The following KCNT2 variants were observed in gnomAD, a reference collection of about 807,000 sequenced individuals.
KCNT2 encodes potassium channel subfamily T member 2.
A neutral mutation model predicts 153.8 loss-of-function variants in KCNT2; 67 were observed. That is an observed-to-expected ratio of 0.44 (90% CI 0.36 to 0.53). KCNT2 has a LOEUF of 0.53. Ranked by LOEUF, KCNT2 falls within the 20% of genes least tolerant of loss-of-function variation. The probability of loss-of-function intolerance (pLI) is 0.00; values close to 1 mark genes in which losing one functional copy is unlikely to be tolerated. For missense variants in KCNT2, 975 were observed against 1,354.8 expected (o/e 0.72, Z 4.40); for synonymous variants, 500 against 458.8 (o/e 1.09, Z -1.15).
chr1:196,354,059 G>A (rs1445546299), intron 14 of KCNT2, among the ~76,000 whole-genome samples: 1 of 151,776 alleles, frequency 6.6e-6, no homozygotes, highest in African/African-American at 2.4e-5. Flanking sequence ...TTATGAACCT[G>A]TATGTTTTTG....
intron 5 of KCNT2, among the ~76,000 whole-genome samples, chr1:196,474,686 T>C (rs1678379721): frequency 6.6e-6 from 1 of 152,230 alleles, no homozygotes; most frequent in Admixed American, 6.5e-5. Flanking sequence ...AGTTTGTTTT[T>C]GTTTCCTTTT....
chr1:196,264,911 G>A lies in KCNT2; in HGVS notation c.2911-6417C>T, dbSNP rs531494108. Among the ~76,000 whole-genome samples the A allele has an allele frequency of 9.9e-5, 15 of 152,214 alleles. No homozygotes were observed. The South Asian group carries it at 2.5e-3, about 25-fold the overall frequency. On this transcript the variant is annotated intron_variant, in intron 25 of 27. Transcript: ENST00000294725. ...CTCTCAAAGTGCTGGGATTACAGGCGTGAGCCACCATGCCCAGCCCAGCCC... is the reference window on the plus strand; with the variant it reads ...CTCTCAAAGTGCTGGGATTACAGGCATGAGCCACCATGCCCAGCCCAGCCC...
chr1:196,278,952 G>A (rs1208587779), intron 25 of KCNT2, among the ~76,000 whole-genome samples: 3 of 152,208 alleles, frequency 2.0e-5, no homozygotes, highest in African/African-American at 7.2e-5. Context: ...GACTCAGAGA[G>A]ATCCCCTTCC....
chr1:196,295,913 A>G (rs954656431), intron 22 of KCNT2, among the ~76,000 whole-genome samples: 6 of 152,002 alleles, frequency 3.9e-5, no homozygotes, highest in African/African-American at 1.4e-4. Context: ...AGGGTTGTCA[A>G]TGTAAATTAT....
intron 14 of KCNT2, among the ~76,000 whole-genome samples, chr1:196,351,289 T>A (rs1447568372): frequency 6.6e-6 from 1 of 152,198 alleles, no homozygotes; most frequent in Non-Finnish European, 1.5e-5. Context: ...ATAAATTACC[T>A]TGGGCAGTAT....
At chr1:196,231,563 G>A (rs1052838684) in intron 27 of KCNT2, among the ~76,000 whole-genome samples, 2 of 151,872 alleles carry the variant, frequency 1.3e-5, no homozygotes, top group African/African-American at 4.8e-5. Context: ...ACAACAGAGA[G>A]AATTAGGAAC....
chr1:196,418,959 T>C (rs1490832770), intron 12 of KCNT2, among the ~76,000 whole-genome samples: 2 of 151,974 alleles, frequency 1.3e-5, no homozygotes, highest in African/African-American at 4.8e-5. Context: ...CTCCTCACAA[T>C]GGTCTGACTG....
At chr1:196,501,080 G>A (rs915606231) in intron 1 of KCNT2, among the ~76,000 whole-genome samples, 3 of 152,074 alleles carry the variant, frequency 2.0e-5, no homozygotes, top group African/African-American at 7.2e-5. Flanking sequence ...CAGAGAAAAC[G>A]GTGCACTTAT....
At chr1:196,549,274 T>A (rs553515234) in intron 1 of KCNT2, among the ~76,000 whole-genome samples, 1 of 152,050 alleles carries the variant, frequency 6.6e-6, no homozygotes, top group East Asian at 1.9e-4. Flanking sequence ...TGTTTACACA[T>A]GGACCCTAAG....
chr1:196,355,552 T>C (rs896811291), intron 14 of KCNT2, among the ~76,000 whole-genome samples: 32 of 151,684 alleles, frequency 2.1e-4, no homozygotes, highest in African/African-American at 7.0e-4. Flanking sequence ...TAAAAAAAGG[T>C]GCCAAAGTTA....
intron 1 of KCNT2, among the ~76,000 whole-genome samples, chr1:196,566,204 T>A (rs887045943): frequency 1.3e-5 from 2 of 151,928 alleles, no homozygotes; most frequent in Non-Finnish European, 2.9e-5. Context: ...TATTTCTGGG[T>A]CAAATTTTAT....
rs139091794 is a variant in KCNT2, at chr1:196,522,132, G to A, written c.96-29791C>T. ...CAATGTGCTTATGCAGAAAGAGTCA[G>A]TATACTGGGAAACTCCATTCCAAAC... On this transcript the variant is annotated intron_variant, in intron 1 of 27. Transcript: ENST00000294725. Among the ~76,000 whole-genome samples the A allele has an allele frequency of 1.0e-3, 153 of 152,244 alleles. 1 individual carries two copies. Among genetic ancestry groups the A allele is most frequent in the Middle Eastern group, 3.4e-3 (1 of 294 alleles).
At chr1:196,467,924 C>T in intron 6 of KCNT2, 138 bp from the exon 7 acceptor site, 1 of 468,882 alleles carries the variant, frequency 2.1e-6, no homozygotes, top group Admixed American at 3.5e-5. Flanking sequence ...TAAACTCACT[C>T]TTAATAAAAT....
intron 22 of KCNT2, among the ~76,000 whole-genome samples, chr1:196,293,421 T>A (rs1396818898): frequency 1.3e-5 from 2 of 152,138 alleles, no homozygotes; most frequent in Non-Finnish European, 2.9e-5. Context: ...TATAGTAATC[T>A]AGATAGAATG....
intron 11 of KCNT2, 86 bp downstream of exon 11, chr1:196,425,766 C>T: frequency 1.4e-6 from 2 of 1,418,260 alleles, no homozygotes; most frequent in African/African-American, 2.8e-5. Context: ...TCTTGCAACA[C>T]TGAAAATTGC....
intron 26 of KCNT2, among the ~76,000 whole-genome samples, chr1:196,251,338 ATAAAG>A (rs1655951266): frequency 6.6e-6 from 1 of 152,068 alleles, no homozygotes; most frequent in African/African-American, 2.4e-5. Flanking sequence ...ATCCTCATTC[ATAAAG>A]TGTTTTTTTC....
chr1:196,562,446 C>T (rs1176221742), intron 1 of KCNT2, among the ~76,000 whole-genome samples: 1 of 151,874 alleles, frequency 6.6e-6, no homozygotes, highest in African/African-American at 2.4e-5. Context: ...TTGAAATGCT[C>T]TTGGCCAAGA....
At chr1:196,391,459 A>G (rs1370159872) in intron 13 of KCNT2, among the ~76,000 whole-genome samples, 2 of 151,526 alleles carry the variant, frequency 1.3e-5, no homozygotes, top group Admixed American at 6.6e-5. Flanking sequence ...GGCACTTTCT[A>G]AAAAAATAAG....
chr1:196,395,720 T>G (rs1033621694), intron 13 of KCNT2, among the ~76,000 whole-genome samples: 1 of 151,620 alleles, frequency 6.6e-6, no homozygotes, highest in African/African-American at 2.4e-5. Context: ...TTCAATCATG[T>G]TATTTTGACA....
Sources: gnomAD v4.1 joint callset for allele counts (sites outside exome capture counted in the v4.1 genomes callset) on GRCh38, gnomAD v4.1.1 for gene constraint, MANE v1.5 for transcripts, NCBI Gene and HGNC (gene_info 2026-07-23, HGNC 2026-07-21) for gene names.